The following INPP4B variants were observed in gnomAD, a reference collection of about 807,000 sequenced individuals.
INPP4B encodes the protein inositol polyphosphate-4-phosphatase type II B.
A neutral mutation model predicts 122.5 loss-of-function variants in INPP4B; 55 were observed. The observed-to-expected ratio is 0.45, with a 90% confidence interval of 0.36 to 0.56. INPP4B has a LOEUF of 0.56. Ranked by LOEUF, INPP4B falls within the 20% of genes least tolerant of loss-of-function variation. The pLI is 0.00. For missense variants in INPP4B, 1,000 were observed against 1,097.7 expected (o/e 0.91, Z 1.26); for synonymous variants, 403 against 388.7 (o/e 1.04, Z -0.43).
chr4:142,069,097 G>T (rs1765411770), intron 25 of INPP4B, among the ~76,000 whole-genome samples: 1 of 152,132 alleles, frequency 6.6e-6, no homozygotes, highest in Admixed American at 6.6e-5. Context: ...GCACTCCTCA[G>T]CAAATGTAAA....
At chr4:142,237,693 T>C (rs890785095) in intron 12 of INPP4B, among the ~76,000 whole-genome samples, 171 bp downstream of exon 12, 1 of 151,888 alleles carries the variant, frequency 6.6e-6, no homozygotes, top group Non-Finnish European at 1.5e-5. Flanking sequence ...AGAGAAAAAA[T>C]AATAATTGAT....
chr4:142,403,708 T>C (rs1285363739), intron 6 of INPP4B, among the ~76,000 whole-genome samples: 1 of 152,212 alleles, frequency 6.6e-6, no homozygotes, highest in Non-Finnish European at 1.5e-5. Flanking sequence ...ACATATATAT[T>C]GCCGAATATC....
chr4:142,198,230 T>C (rs1032098102), intron 14 of INPP4B, among the ~76,000 whole-genome samples: 4 of 152,162 alleles, frequency 2.6e-5, no homozygotes, highest in Admixed American at 6.5e-5. Flanking sequence ...CACACACTAT[T>C]TTCAAGGGTT....
chr4:142,072,826 T>C (rs1015693723), intron 25 of INPP4B, among the ~76,000 whole-genome samples: 1 of 152,092 alleles, frequency 6.6e-6, no homozygotes, highest in African/African-American at 2.4e-5. Flanking sequence ...ACAATATAAG[T>C]TTGACTTTAC....
chr4:142,444,066 G>T (rs1487040067), intron 3 of INPP4B, among the ~76,000 whole-genome samples: 1 of 152,120 alleles, frequency 6.6e-6, no homozygotes. Context: ...TTTTAGCAGA[G>T]ATAGAAGCTA....
chr4:142,801,341 G>A (rs1367118520), intron 1 of INPP4B, among the ~76,000 whole-genome samples: 3 of 152,140 alleles, frequency 2.0e-5, no homozygotes, highest in African/African-American at 7.2e-5. Context: ...TTTGGAGAGA[G>A]GGCCTTTAGA....
chr4:142,287,179 T>C (rs1303638418), intron 9 of INPP4B: 1 of 152,202 alleles, frequency 6.6e-6, no homozygotes, highest in African/African-American at 2.4e-5. Flanking sequence ...AATGGATCTG[T>C]TGTGATCTAT....
At chr4:142,740,668 G>C (rs556496528) in intron 1 of INPP4B, among the ~76,000 whole-genome samples, 51 of 151,972 alleles carry the variant, frequency 3.4e-4, no homozygotes, top group African/African-American at 1.2e-3. Context: ...ACACTCAAAA[G>C]CCCAAAAGGG....
intron 5 of INPP4B, among the ~76,000 whole-genome samples, chr4:142,420,097 G>C (rs1182199412): frequency 6.6e-6 from 1 of 151,716 alleles, no homozygotes; most frequent in African/African-American, 2.4e-5. Flanking sequence ...ATGGATGAAA[G>C]ACAAATTAAA....
intron 1 of INPP4B, among the ~76,000 whole-genome samples, chr4:142,819,788 GCA>G (rs1561106258): frequency 1.3e-5 from 2 of 151,772 alleles, no homozygotes; most frequent in Non-Finnish European, 2.9e-5. Flanking sequence ...ACACACACGC[GCA>G]CACACACACG....
At chr4:142,743,467 C>T (rs1768194463) in intron 1 of INPP4B, among the ~76,000 whole-genome samples, 1 of 151,886 alleles carries the variant, frequency 6.6e-6, no homozygotes. Context: ...TTGTCCAGGA[C>T]AAGAATACAT....
At chr4:142,479,870 C>A (rs1442815071) in intron 2 of INPP4B, among the ~76,000 whole-genome samples, 1 of 152,032 alleles carries the variant, frequency 6.6e-6, no homozygotes, top group Non-Finnish European at 1.5e-5. Context: ...TGCTTATTAC[C>A]TGGTTGATGA....
At chr4:142,043,048 G>T (rs1749132441) in intron 25 of INPP4B, among the ~76,000 whole-genome samples, 1 of 152,106 alleles carries the variant, frequency 6.6e-6, no homozygotes, top group Non-Finnish European at 1.5e-5. Context: ...CCTTCCAAAA[G>T]AATCAATTTG....
rs545579156 is a variant in INPP4B, at chr4:142,256,831, G to A, written c.688+3661C>T. On this transcript the variant is annotated intron_variant, in intron 11 of 25. Transcript: ENST00000262992. ...AACTGTTCCAATCAATAGAAAAAGA[G>A]GGAATCCTCCCTAACTCATTTTATG... Among the ~76,000 whole-genome samples the A allele has an allele frequency of 1.9e-4, 29 of 152,232 alleles. No individual in the cohort carries two copies. In the South Asian group the frequency reaches 3.7e-3, roughly 20 times the overall value.
intron 16 of INPP4B, among the ~76,000 whole-genome samples, chr4:142,172,138 T>C (rs1825920246): frequency 6.6e-6 from 1 of 151,944 alleles, no homozygotes; most frequent in Non-Finnish European, 1.5e-5. Flanking sequence ...ACTAAGGCAT[T>C]TGTCTAACAA....
chr4:142,739,433 T>C (rs1248328078), intron 1 of INPP4B, among the ~76,000 whole-genome samples: 1 of 152,038 alleles, frequency 6.6e-6, no homozygotes, highest in African/African-American at 2.4e-5. Flanking sequence ...AGAATGGGCA[T>C]TAGATGGTAA....
intron 25 of INPP4B, chr4:142,029,817 G>T: frequency 9.8e-7 from 1 of 1,019,448 alleles, no homozygotes. Context: ...AATTTAGTGG[G>T]ATGAGGACAG....
intron 7 of INPP4B, among the ~76,000 whole-genome samples, chr4:142,345,814 C>T (rs1780143899): frequency 6.6e-6 from 1 of 151,982 alleles, no homozygotes; most frequent in South Asian, 2.1e-4. Context: ...TGCTTACATG[C>T]ATGTAGGGCT....
At chr4:142,140,166 A>T (rs1402528499) in intron 18 of INPP4B, among the ~76,000 whole-genome samples, 4 of 152,250 alleles carry the variant, frequency 2.6e-5, no homozygotes, top group Non-Finnish European at 5.9e-5. Context: ...GACTAATTCG[A>T]TGATCTACAT....
Sources: allele counts gnomAD v4.1 joint callset (sites outside exome capture counted in the v4.1 genomes callset), GRCh38; gene constraint gnomAD v4.1.1; transcripts MANE v1.5; gene names NCBI Gene and HGNC (gene_info 2026-07-23, HGNC 2026-07-21).